ZNF124: variants seen among roughly 807,000 people sequenced by gnomAD.
ZNF124 encodes zinc finger protein 124.
Under a neutral mutation model 26.6 loss-of-function variants are expected in ZNF124, and 25 were observed. The observed-to-expected ratio is 0.94, with a 90% CI of 0.68 to 1.31. The LOEUF (loss-of-function observed/expected upper bound fraction) is 1.31. Ranked by LOEUF, ZNF124 falls within the 40% of genes most tolerant of loss-of-function variation. The pLI is 0.00. For synonymous variants in ZNF124, 129 were observed against 133.3 expected (o/e 0.97, Z 0.22); for missense variants, 444 against 422.2 (o/e 1.05, Z -0.45).
At chr1:247,122,174 T>C (rs926139357) in exon 4 of ZNF124, 2 of 152,226 alleles carry the variant, frequency 1.3e-5, no homozygotes, top group South Asian at 2.1e-4. Context: ...TAATGAATGG[T>C]ATGAATAATG....
chr1:247,153,489 G>A (rs76806999), downstream of ZNF124, among the ~76,000 whole-genome samples: 4,424 of 152,278 alleles, frequency 0.029, 216 homozygotes, highest in African/African-American at 0.1. Context: ...ATTATGATTG[G>A]TGAGTCATCT....
At chr1:247,159,659 C>CT in intron 2 of ZNF124, 28 bp downstream of exon 2, 1 of 1,603,846 alleles carries the variant, frequency 6.2e-7, no homozygotes, top group South Asian at 1.1e-5. Context: ...TTCTGATTGA[C>CT]TAAGTGAAGA....
downstream of ZNF124, among the ~76,000 whole-genome samples, chr1:247,152,470 T>G (rs950664246): frequency 6.6e-6 from 1 of 152,002 alleles, no homozygotes; most frequent in African/African-American, 2.4e-5. Context: ...CATTATAATA[T>G]TCAACAAAAT....
At chr1:247,145,530 C>G (rs1016377034) in intron 3 of ZNF124, among the ~76,000 whole-genome samples, 1 of 152,148 alleles carries the variant, frequency 6.6e-6, no homozygotes, top group Non-Finnish European at 1.5e-5. Context: ...AACCACAAGT[C>G]TGGCTGCAGT....
chr1:247,157,550 C>G (rs1263027582), intron 3 of ZNF124, 147 bp from the exon 4 acceptor site: 1 of 710,448 alleles, frequency 1.4e-6, no homozygotes. Flanking sequence ...CACAGTATGT[C>G]TATCATATGA....
chr1:247,125,777 A>G (rs1356771947), intron 3 of ZNF124, among the ~76,000 whole-genome samples: 1 of 152,190 alleles, frequency 6.6e-6, no homozygotes, highest in Non-Finnish European at 1.5e-5. Context: ...AGTTTTTGGT[A>G]ACAACTTTAT....
chr1:247,132,834 C>T (rs1672401336), intron 3 of ZNF124, among the ~76,000 whole-genome samples: 1 of 151,752 alleles, frequency 6.6e-6, no homozygotes, highest in Non-Finnish European at 1.5e-5. Flanking sequence ...CTTGCTCAAT[C>T]AATCACGACC....
chr1:247,128,236 G>C (rs1339837486), intron 3 of ZNF124, among the ~76,000 whole-genome samples: 9 of 151,780 alleles, frequency 5.9e-5, no homozygotes, highest in Admixed American at 5.9e-4. Context: ...ATAATCACCT[G>C]ATCTAGTCCA....
At chr1:247,154,420 G>A (rs1423575482), downstream of ZNF124, among the ~76,000 whole-genome samples, 2 of 152,098 alleles carry the variant, frequency 1.3e-5, no homozygotes, top group African/African-American at 4.8e-5. Context: ...TCCCTACCAT[G>A]CTGAACTGGG....
chr1:247,157,740 A>G (rs1673233910), intron 3 of ZNF124, among the ~76,000 whole-genome samples: 1 of 152,154 alleles, frequency 6.6e-6, no homozygotes, highest in African/African-American at 2.4e-5. Flanking sequence ...AGCTATTAAC[A>G]ATACAGTAAT....
At chr1:247,138,436 A>G (rs555186087) in intron 3 of ZNF124, 40 of 193,922 alleles carry the variant, frequency 2.1e-4, no homozygotes, top group African/African-American at 1.2e-3. Flanking sequence ...ATGGAAACAG[A>G]GGGGGAACAA....
intron 2 of ZNF124, 134 bp downstream of exon 2, chr1:247,159,550 GTCA>G (rs1274214697): frequency 1.6e-4 from 131 of 803,828 alleles, no homozygotes; most frequent in Middle Eastern, 1.1e-3. Flanking sequence ...AGAAACAAGA[GTCA>G]TTGCACACTG....
Position 247,147,160 on chromosome 1 carries a change from A to AG in ZNF124, c.218+11845dup, listed in dbSNP as rs58913850. On this transcript the variant is annotated intron_variant, in intron 3 of 3. Transcript: ENST00000472531. ...TAAGTGGAGGGAATTTCAGTGTTTT[A>AG]GCAAGTTTTTTTTTTTTTTAATTTG... Among the ~76,000 whole-genome samples the AG allele has an allele frequency of 2.1e-3, 293 of 139,110 alleles. 2 individuals carry two copies. The East Asian group carries it at 0.044, about 21-fold the overall frequency. 91.3% of individuals were successfully genotyped at this position (139,110 alleles called of 152,430 possible).
At chr1:247,165,035 C>T (rs570173408) in intron 1 of ZNF124, among the ~76,000 whole-genome samples, 85 of 152,054 alleles carry the variant, frequency 5.6e-4, no homozygotes, top group African/African-American at 1.9e-3. Flanking sequence ...GGCACAATCT[C>T]GGCTCACTGC....
chr1:247,149,676 G>A (rs1259100167), intron 3 of ZNF124, among the ~76,000 whole-genome samples: 3 of 152,228 alleles, frequency 2.0e-5, no homozygotes, highest in Non-Finnish European at 2.9e-5. Flanking sequence ...CCAGGGGCCA[G>A]AAGGTAGGGG....
intron 3 of ZNF124, among the ~76,000 whole-genome samples, chr1:247,139,583 T>C (rs879807053): frequency 2.0e-5 from 3 of 152,234 alleles, no homozygotes; most frequent in African/African-American, 7.2e-5. Context: ...GGTTGCTTTA[T>C]AGTGTCACTG....
In ZNF124 at chr1:247,145,279, T is replaced by A. The variant is rs535351054; in HGVS notation, c.218+13727A>T. 1.7e-3 allele frequency among the ~76,000 whole-genome samples: 264 copies of A among 152,242 alleles called. 1 individual carries two copies. The highest frequency in any genetic ancestry group is 6.1e-3 in the African/African-American group (253 of 41,540). On this transcript the variant is annotated intron_variant, in intron 3 of 3. Coordinates refer to the ZNF124 transcript ENST00000472531. ...TAAAATCAGCCAATTTTTAGTAGAT[T>A]TGATGATAAAAGACACAACGTTGTC...
intron 3 of ZNF124, among the ~76,000 whole-genome samples, chr1:247,127,606 G>T (rs1223126366): frequency 1.4e-5 from 2 of 145,626 alleles, no homozygotes; most frequent in Non-Finnish European, 3.0e-5. Flanking sequence ...CTGACCGGTT[G>T]TGTTATCTAT....
intron 3 of ZNF124, among the ~76,000 whole-genome samples, chr1:247,148,631 T>C (rs750579935): frequency 5.3e-5 from 8 of 152,136 alleles, no homozygotes; most frequent in Non-Finnish European, 1.0e-4. Flanking sequence ...GCTCAGTAGA[T>C]TTTGATCACA....
Sources: gnomAD v4.1 joint callset for allele counts (sites outside exome capture counted in the v4.1 genomes callset) on GRCh38, gnomAD v4.1.1 for gene constraint, MANE v1.5 for transcripts, NCBI Gene and HGNC (gene_info 2026-07-23, HGNC 2026-07-21) for gene names.